The following PCYT1B variants were observed in gnomAD, a reference collection of about 807,000 sequenced individuals.
PCYT1B encodes the protein choline-phosphate cytidylyltransferase B.
PCYT1B carries 10 observed loss-of-function variants against 26.4 expected under a neutral mutation model. The observed-to-expected ratio is 0.38, with a 90% CI of 0.23 to 0.64. PCYT1B has a LOEUF of 0.64. Ranked by LOEUF, PCYT1B falls within the 30% of genes least tolerant of loss-of-function variation. PCYT1B has a pLI of 0.56. For missense variants in PCYT1B, 161 were observed against 292.7 expected (o/e 0.55, Z 3.28); for synonymous variants, 131 against 108.4 (o/e 1.21, Z -1.29).
intron 1 of PCYT1B, among the ~76,000 whole-genome samples, chrX:24,638,096 C>T (rs865935560): frequency 9.2e-6 from 1 of 108,924 alleles, no homozygotes; most frequent in African/African-American, 3.4e-5. Flanking sequence ...AACCTATTAC[C>T]GTTGTTATTT....
chrX:24,582,166 C>G (rs751222687), intron 5 of PCYT1B, among the ~76,000 whole-genome samples: 4 of 112,751 alleles, frequency 3.5e-5, no homozygotes, highest in African/African-American at 1.3e-4. Context: ...GGGGAACATT[C>G]TGGTGAGAAA....
chrX:24,651,200 G>A (rs955810615), upstream of PCYT1B, among the ~76,000 whole-genome samples: 6 of 109,618 alleles, frequency 5.5e-5, no homozygotes. Flanking sequence ...GCTCACGCCT[G>A]TAATCCCAGC....
At chrX:24,657,535 G>C (rs746594813) in intron 1 of PCYT1B, among the ~76,000 whole-genome samples, 2 of 112,171 alleles carry the variant, frequency 1.8e-5, no homozygotes, top group South Asian at 7.4e-4. Context: ...TACAAGGCCA[G>C]GCACTGACTT....
At chrX:24,672,111 G>A (rs758564227) in intron 1 of PCYT1B, among the ~76,000 whole-genome samples, 4 of 112,036 alleles carry the variant, frequency 3.6e-5, no homozygotes, top group African/African-American at 1.3e-4. Flanking sequence ...GCAGTGAGCC[G>A]AGATCGTGCC....
At chrX:24,589,873 G>A (rs1049665826) in intron 4 of PCYT1B, 150 bp downstream of exon 4, 3 of 457,016 alleles carry the variant, frequency 6.6e-6, no homozygotes, top group African/African-American at 2.5e-5. Context: ...TTGGGCGGAC[G>A]AAAGGTGCCA....
At chrX:24,590,202 A>T in intron 3 of PCYT1B, 28 bp from the exon 4 acceptor site, 5 of 1,193,892 alleles carry the variant, frequency 4.2e-6, no homozygotes, top group Non-Finnish European at 5.7e-6. Flanking sequence ...ATTAAATGCC[A>T]TTACTCGGCC....
chrX:24,655,179 C>T (rs1926880081), intron 1 of PCYT1B, among the ~76,000 whole-genome samples: 1 of 112,152 alleles, frequency 8.9e-6, no homozygotes, highest in South Asian at 3.7e-4. Flanking sequence ...AGTGATTTGA[C>T]CATGGTCACA....
chrX:24,631,200 G>A (rs1926079454), intron 1 of PCYT1B, among the ~76,000 whole-genome samples: 1 of 111,847 alleles, frequency 8.9e-6, no homozygotes, highest in African/African-American at 3.2e-5. Context: ...GGGATTACAC[G>A]CGTGAGCCAC....
intron 4 of PCYT1B, among the ~76,000 whole-genome samples, chrX:24,589,478 A>G (rs1257597389): frequency 8.9e-6 from 1 of 112,103 alleles, no homozygotes. Context: ...AATCATAGAT[A>G]TAAAGTTCTT....
chrX:24,657,104 G>A (rs1380951967), intron 1 of PCYT1B, among the ~76,000 whole-genome samples: 2 of 111,176 alleles, frequency 1.8e-5, no homozygotes, highest in Admixed American at 9.6e-5. Flanking sequence ...GCTATTACTT[G>A]GTGGTATTTA....
intron 1 of PCYT1B, among the ~76,000 whole-genome samples, chrX:24,670,115 A>AGGAAGGAAGGAAGGAG (rs1927224013): frequency 1.0e-5 from 1 of 98,177 alleles, no homozygotes; most frequent in Non-Finnish European, 2.0e-5. Context: ...AAAGAAAGAA[A>AGGAAGGAAGGAAGGAG]GGAAGGAAGG....
At chrX:24,659,172 C>A (rs1318714160) in intron 1 of PCYT1B, among the ~76,000 whole-genome samples, 1 of 111,901 alleles carries the variant, frequency 8.9e-6, no homozygotes, top group Non-Finnish European at 1.9e-5. Flanking sequence ...GCTCATTCTG[C>A]TCTTTTTGGA....
chrX:24,575,317 T>G lies in PCYT1B; in HGVS notation c.710A>C (p.Glu237Ala). 8.7e-7 allele frequency: 1 copy of G among 1,145,363 alleles called. No homozygotes were observed. 94.4% of individuals were successfully genotyped at this position (1,145,363 alleles called of 1,213,427 possible). A position where few individuals can be genotyped will look rare whatever the true frequency, so the allele number is the denominator to read the frequency against. ...TTGGTTCTGGAAACGGTACCTCTTCTCCTGGTGAAAGTTTACAGGAAAAAA... is the reference window on the plus strand; with the variant it reads ...TTGGTTCTGGAAACGGTACCTCTTCGCCTGGTGAAAGTTTACAGGAAAAAA... ...AKELNVSFINEKRYRFQNQVD... is the reference protein window; with the variant it reads ...AKELNVSFINAKRYRFQNQVD... Residue 237 changes from glutamate (E) to alanine (A), a missense_variant and splice_region_variant, in exon 7 of 8, where the codon GAG (glutamate) becomes GCG (alanine). Glu to Ala is a moderately radical substitution (Grantham distance 107). This residue lies in a region of PCYT1B where 65 missense variants were observed against 145.0 expected (regional missense o/e 0.45). Transcript: ENST00000379144.
chrX:24,614,290 T>G (rs1351951462), intron 2 of PCYT1B, among the ~76,000 whole-genome samples: 4 of 112,505 alleles, frequency 3.6e-5, no homozygotes, highest in Non-Finnish European at 7.5e-5. Context: ...TTCTAGAATT[T>G]GTACCCCCAG....
chrX:24,579,475 G>T lies in PCYT1B; in HGVS notation c.566-17C>A. 8.3e-7 allele frequency: 1 copy of T among 1,198,835 alleles called. No homozygotes were observed. The highest frequency in any genetic ancestry group is 1.1e-6 in the Non-Finnish European group (1 of 885,011). ...CGAACATCCCTGTTCAAGTAGAAAA[G>T]AGCGGATAGAGGAAAAATTAAGATC... On this transcript the variant is annotated splice_polypyrimidine_tract_variant and intron_variant, in intron 5 of 7. Coordinates refer to ENST00000379144, the MANE Select transcript of PCYT1B (RefSeq NM_004845.5).
At chrX:24,637,590 G>T (rs1471365425) in intron 1 of PCYT1B, among the ~76,000 whole-genome samples, 1 of 100,930 alleles carries the variant, frequency 9.9e-6, no homozygotes, top group Non-Finnish European at 2.0e-5. Flanking sequence ...CTTGAACCTG[G>T]GAGGCGGAGG....
intron 3 of PCYT1B, among the ~76,000 whole-genome samples, chrX:24,592,251 A>C (rs182331098): frequency 9.1e-4 from 102 of 112,292 alleles, no homozygotes; most frequent in Non-Finnish European, 2.4e-4. Context: ...CAGACACAGG[A>C]AGACAAATAC....
chrX:24,648,407 C>T (rs1469266734), upstream of PCYT1B, among the ~76,000 whole-genome samples: 1 of 96,715 alleles, frequency 1.0e-5, no homozygotes, highest in Non-Finnish European at 2.0e-5. Context: ...CAGGTATTCA[C>T]ATTCACAAAA....
At chrX:24,582,767 T>G (rs951064939) in intron 5 of PCYT1B, among the ~76,000 whole-genome samples, 3 of 112,022 alleles carry the variant, frequency 2.7e-5, no homozygotes, top group Admixed American at 9.5e-5. Context: ...CTGGTTTCAT[T>G]TAAAGAGACT....
Sources: allele counts gnomAD v4.1 joint callset (sites outside exome capture counted in the v4.1 genomes callset), GRCh38; gene constraint gnomAD v4.1.1; regional missense constraint gnomAD v4.1.1; transcripts MANE v1.5; gene names NCBI Gene and HGNC (gene_info 2026-07-23, HGNC 2026-07-21).